The following INAVA variants were observed in gnomAD, a reference collection of about 807,000 sequenced individuals.
INAVA encodes innate immunity activator.
A neutral mutation model predicts 55.3 loss-of-function variants in INAVA; 32 were observed. The ratio of observed to expected loss-of-function variants is 0.58; its 90% CI spans 0.44 to 0.78. The LOEUF (loss-of-function observed/expected upper bound fraction) is 0.78. Ranked by LOEUF, INAVA falls within the 30% of genes least tolerant of loss-of-function variation. The pLI is 0.00. For synonymous variants in INAVA, 294 were observed against 329.4 expected, an observed-to-expected ratio of 0.89 and a Z score of 1.16; for missense variants, 756 against 786.4, an observed-to-expected ratio of 0.96 and a Z score of 0.46.
intron 5 of INAVA, among the ~76,000 whole-genome samples, chr1:200,902,152 C>T (rs879362198): frequency 2.0e-5 from 3 of 152,202 alleles, no homozygotes; most frequent in Non-Finnish European, 4.4e-5. Context: ...TCAGAGGTCT[C>T]GGCCTTCATT....
rs1486102193 is a variant in INAVA, at chr1:200,904,720, A to C, written c.521-3114A>C. On this transcript the variant is annotated intron_variant, in intron 5 of 9. Coordinates refer to ENST00000413687, the MANE Select transcript of INAVA (RefSeq NM_001142569.3). Reference sequence around the variant, plus strand: ...ATAGTGAGCAGCTCTCAGAAACCTGAATCTTTTTTTTTTTTTTTCCAATCT... The same window carrying C: ...ATAGTGAGCAGCTCTCAGAAACCTGCATCTTTTTTTTTTTTTTTCCAATCT... Among the ~76,000 whole-genome samples, 3 of 148,046 alleles carry C rather than the reference A, an allele frequency of 2.0e-5. No individual in the cohort carries two copies. The East Asian group carries it at 5.9e-4, about 29-fold the overall frequency.
At chr1:200,896,677 G>A (rs555509726) in intron 1 of INAVA, among the ~76,000 whole-genome samples, 13 of 152,286 alleles carry the variant, frequency 8.5e-5, no homozygotes, top group African/African-American at 3.1e-4. Context: ...TGTTTATGTA[G>A]GTCTATAAAA....
chr1:200,891,726 C>T (rs779298190), upstream of INAVA: 51 of 1,432,500 alleles, frequency 3.6e-5, no homozygotes, highest in East Asian at 1.4e-3. Flanking sequence ...TTCGGGGCAC[C>T]CAGTGCGGGT....
chr1:200,893,267 A>G (rs1480401267), upstream of INAVA, among the ~76,000 whole-genome samples: 1 of 152,268 alleles, frequency 6.6e-6, no homozygotes, highest in Non-Finnish European at 1.5e-5. Flanking sequence ...ATGTTAATAA[A>G]GAAGCATATA....
intron 5 of INAVA, among the ~76,000 whole-genome samples, chr1:200,905,515 C>T (rs1286440344): frequency 6.6e-6 from 1 of 152,220 alleles, no homozygotes; most frequent in African/African-American, 2.4e-5. Context: ...CGGGCCACTG[C>T]ACTCCAGCCT....
intron 2 of INAVA, 21 bp downstream of exon 2, chr1:200,898,476 C>T (rs766277280): frequency 1.2e-6 from 2 of 1,612,312 alleles, no homozygotes; most frequent in Non-Finnish European, 1.7e-6. Flanking sequence ...AGGGAAATCC[C>T]CCTGCCCTAG....
intron 6 of INAVA, 48 bp downstream of exon 6, chr1:200,907,935 C>T (rs377137558): frequency 3.4e-5 from 51 of 1,513,182 alleles, no homozygotes; most frequent in Non-Finnish European, 7.3e-6. Context: ...ACTCCTACTG[C>T]AAGACCATGG....
chr1:200,894,892 C>T, upstream of INAVA: 1 of 985,740 alleles, frequency 1.0e-6, no homozygotes, highest in Non-Finnish European at 1.2e-6. Flanking sequence ...ACCTGGTTCC[C>T]CTGGCCCGGC....
At chr1:200,913,486 T>A (rs1321593217) in intron 9 of INAVA, 51 bp from the exon 10 acceptor site, 2 of 1,469,724 alleles carry the variant, frequency 1.4e-6, no homozygotes, top group Admixed American at 1.7e-5. Flanking sequence ...CTGTCCCCGC[T>A]TTTCTGCCTG....
At chr1:200,898,992 C>T (rs1424647544) in intron 2 of INAVA, among the ~76,000 whole-genome samples, 3 of 152,192 alleles carry the variant, frequency 2.0e-5, no homozygotes, top group East Asian at 1.9e-4. Context: ...AAAAATATAT[C>T]ATCTGGCCAA....
chr1:200,899,948 T>C (rs541079950), intron 3 of INAVA, among the ~76,000 whole-genome samples, 156 bp from the exon 4 acceptor site: 1 of 152,254 alleles, frequency 6.6e-6, no homozygotes, highest in East Asian at 1.9e-4. Flanking sequence ...AGAGTGGGTC[T>C]GAAGACAGGA....
intron 4 of INAVA, among the ~76,000 whole-genome samples, chr1:200,900,552 T>G (rs1432189861): frequency 6.6e-6 from 1 of 152,170 alleles, no homozygotes; most frequent in Non-Finnish European, 1.5e-5. Context: ...CTGTCCTCCT[T>G]TCTCAGGAGG....
intron 8 of INAVA, among the ~76,000 whole-genome samples, chr1:200,910,831 C>T (rs556307671): frequency 3.7e-4 from 57 of 152,260 alleles, no homozygotes; most frequent in African/African-American, 1.3e-3. Flanking sequence ...CAGCCCCATA[C>T]CTGGGTGCAT....
rs1450880086 is a variant in INAVA at position 200,909,388 on chromosome 1, A to T, written c.950A>T (p.Gln317Leu). The change falls in exon 8 of 10, where the codon CAG becomes CTG. Residue 317 changes from glutamine to leucine, a missense_variant. Physicochemically the swap from Gln to Leu is moderately radical, Grantham distance 113 (BLOSUM62 -2). Coordinates refer to ENST00000413687, the MANE Select transcript of INAVA (RefSeq NM_001142569.3). The stretch of plus-strand genomic sequence containing the variant: ...ATACAGGGGAGGAGGGGCCAGTCGC[A>T]GTCTCTGAGGTAAGAGACAGCTTCC... ...PEIQGRRGQS[Q>L]SLRVDSFRAG... 1 of 1,598,592 alleles carries T rather than the reference A, an allele frequency of 6.3e-7. No homozygotes were observed. The highest frequency in any genetic ancestry group is 1.1e-5 in the South Asian group (1 of 89,338).
chr1:200,909,423 T>C, intron 8 of INAVA, 26 bp downstream of exon 8: 2 of 1,539,448 alleles, frequency 1.3e-6, no homozygotes, highest in Non-Finnish European at 8.8e-7. Flanking sequence ...CCCAGAGAGA[T>C]GGGGGACCCA....
In INAVA at chr1:200,894,961, T is replaced by G. The variant is rs1558226064; in HGVS notation, c.-221T>G. 1.0e-6 allele frequency: 1 copy of G among 985,520 alleles called. No homozygotes were observed. The highest frequency in any genetic ancestry group is 1.7e-5 in the African/African-American group (1 of 57,174). The allele number at this position is 985,520 out of a possible 1,614,324, so 61.0% of individuals were successfully genotyped here. ...CCGAGACGGACGGACGGCCAGCAGC[T>G]CCGTCAGCTGGAGAGAGAGCACAGG... On this transcript the variant is annotated 5_prime_UTR_variant, in exon 1 of 10. Transcript: ENST00000413687.
chr1:200,900,925 C>G lies in INAVA; in HGVS notation c.298-12C>G, dbSNP rs778706100. The stretch of plus-strand genomic sequence containing the variant: ...TGCCTCTCTCTAGCCTCACTCCTGC[C>G]CCCTCTCTCAGGACCCCCTAAGCAG... On this transcript the variant is annotated splice_polypyrimidine_tract_variant and intron_variant, in intron 4 of 9. Transcript: ENST00000413687. 1 of 1,535,544 alleles carries G rather than the reference C, an allele frequency of 6.5e-7. No homozygotes were observed. Among genetic ancestry groups the G allele is most frequent in the Non-Finnish European group, 8.8e-7 (1 of 1,136,740 alleles).
rs771485425 is a variant in INAVA at position 200,911,826 on chromosome 1, C to A, written c.1333C>A (p.Leu445Met). 30 of 1,603,538 alleles carry A rather than the reference C, an allele frequency of 1.9e-5. No homozygotes were observed. Among genetic ancestry groups the A allele is most frequent in the Non-Finnish European group, 2.5e-6 (3 of 1,177,738 alleles). Residue 445 changes from leucine to methionine, a missense_variant, in exon 9 of 10, where the codon CTG becomes ATG. By Grantham distance (15) the Leu-to-Met change is conservative (BLOSUM62 2). Around this residue, in one of 2 missense-constraint regions of INAVA, gnomAD observed 639 missense variants for 624.3 expected, o/e 1.02. Coordinates refer to ENST00000413687, the MANE Select transcript of INAVA (RefSeq NM_001142569.3). ...GTACGTGGTGGTGGCTGAGAGCCCC[C>A]TGCCGCCTGGCGAGTGGGAGCTGCG... The part of the protein sequence containing the change: ...GRYVVVAESP[L>M]PPGEWELRRA...
At chr1:200,898,548 A>G in intron 2 of INAVA, 93 bp downstream of exon 2, 1 of 1,440,698 alleles carries the variant, frequency 6.9e-7, no homozygotes, top group Non-Finnish European at 9.5e-7. Flanking sequence ...CTCAGGCACT[A>G]GGGCTGGCTG....
Sources: gnomAD v4.1 joint callset for allele counts (sites outside exome capture counted in the v4.1 genomes callset) on GRCh38, gnomAD v4.1.1 for gene constraint, gnomAD v4.1.1 regional missense constraint, MANE v1.5 for transcripts, NCBI Gene and HGNC (gene_info 2026-07-23, HGNC 2026-07-21) for gene names.